The following ZNF148 variants were observed in gnomAD, a reference collection of about 807,000 sequenced individuals.
The protein encoded by ZNF148 is Beta-Enolase Repressor Factor-1.
A neutral mutation model predicts 67.7 loss-of-function variants in ZNF148; 7 were observed. That is an observed-to-expected ratio of 0.10 (90% CI 0.06 to 0.19). ZNF148 has a LOEUF of 0.19. Among genes scored for constraint, ZNF148 ranks in the 10% least tolerant of loss-of-function variants. ZNF148 has a pLI of 1.00. For synonymous variants in ZNF148, 333 were observed against 330.7 expected (o/e 1.01, Z -0.08); for missense variants, 583 against 947.1 (o/e 0.62, Z 5.05).
chr3:125,351,238 C>T (rs1942138109), intron 1 of ZNF148, among the ~76,000 whole-genome samples: 1 of 151,954 alleles, frequency 6.6e-6, no homozygotes, highest in African/African-American at 2.4e-5. Flanking sequence ...TAAAATTAGC[C>T]AGGCGTGGTG....
At chr3:125,320,159 T>C (rs1339004169) in intron 3 of ZNF148, among the ~76,000 whole-genome samples, 7 of 152,232 alleles carry the variant, frequency 4.6e-5, no homozygotes, top group Non-Finnish European at 8.8e-5. Flanking sequence ...ATGTATCTTC[T>C]TAAGCTACCT....
chr3:125,244,182 G>A (rs2107533360), intron 7 of ZNF148, among the ~76,000 whole-genome samples: 1 of 152,280 alleles, frequency 6.6e-6, no homozygotes, highest in Admixed American at 6.5e-5. Flanking sequence ...CAGTGAGACT[G>A]TTTCCCCAAT....
At chr3:125,312,194 C>G (rs975181163) in intron 4 of ZNF148, among the ~76,000 whole-genome samples, 13 of 152,150 alleles carry the variant, frequency 8.5e-5, no homozygotes, top group Admixed American at 2.0e-4. Context: ...AAAATATGAT[C>G]AAATCAAATC....
chr3:125,313,005 TTTACTC>T, intron 4 of ZNF148, among the ~76,000 whole-genome samples: 1 of 152,186 alleles, frequency 6.6e-6, no homozygotes, highest in Non-Finnish European at 1.5e-5. Flanking sequence ...ATTCAAATGT[TTTACTC>T]TTTAAGGAGA....
chr3:125,231,762 C>G lies in ZNF148; in HGVS notation c.*579G>C, dbSNP rs1208198296. The G allele has an allele frequency of 1.3e-5, 2 of 152,182 alleles. No individual in the cohort carries two copies. The highest frequency in any genetic ancestry group is 4.8e-5 in the African/African-American group (2 of 41,324). 9.4% of individuals were successfully genotyped at this position (152,182 alleles called of 1,614,324 possible). On this transcript the variant is annotated 3_prime_UTR_variant, in exon 9 of 9. Transcript: ENST00000360647. Reference sequence around the variant, plus strand: ...CAGATTTTTATTACTTTTTTTCCTTCAAAAAAACACGTCAATATAATGCAA... The same window carrying G: ...CAGATTTTTATTACTTTTTTTCCTTGAAAAAAACACGTCAATATAATGCAA...
intron 1 of ZNF148, among the ~76,000 whole-genome samples, chr3:125,364,789 T>C (rs1226725439): frequency 1.3e-5 from 2 of 152,234 alleles, no homozygotes; most frequent in African/African-American, 4.8e-5. Context: ...TGGAGCACTT[T>C]ACTGTATTTA....
intron 5 of ZNF148, among the ~76,000 whole-genome samples, chr3:125,284,012 A>T (rs1938529796): frequency 6.6e-6 from 1 of 152,144 alleles, no homozygotes; most frequent in South Asian, 2.1e-4. Context: ...CATAACAGGC[A>T]CTCAAATTAT....
intron 5 of ZNF148, among the ~76,000 whole-genome samples, chr3:125,286,227 A>C (rs1455781526): frequency 6.6e-6 from 1 of 152,192 alleles, no homozygotes; most frequent in Non-Finnish European, 1.5e-5. Flanking sequence ...ACTGAGAAAA[A>C]CATTAAAGCC....
At chr3:125,282,555 C>T (rs973924576) in intron 5 of ZNF148, among the ~76,000 whole-genome samples, 1 of 152,092 alleles carries the variant, frequency 6.6e-6, no homozygotes, top group African/African-American at 2.4e-5. Context: ...TAATTCTCAA[C>T]ACACTACATT....
chr3:125,327,794 G>T (rs563918401), intron 2 of ZNF148, among the ~76,000 whole-genome samples: 1 of 152,118 alleles, frequency 6.6e-6, no homozygotes, highest in African/African-American at 2.4e-5. Flanking sequence ...AGGGAAATTA[G>T]AAAATATTTT....
chr3:125,304,546 T>C (rs1332602175), intron 4 of ZNF148, among the ~76,000 whole-genome samples: 1 of 152,034 alleles, frequency 6.6e-6, no homozygotes, highest in Non-Finnish European at 1.5e-5. Flanking sequence ...CATTAGGGGT[T>C]AGGATAATAA....
chr3:125,318,493 T>C (rs1220378552), intron 3 of ZNF148, among the ~76,000 whole-genome samples: 1 of 135,896 alleles, frequency 7.4e-6, no homozygotes, highest in East Asian at 1.9e-4. Flanking sequence ...CATGGAAGAC[T>C]GATTTGGAAG....
intron 1 of ZNF148, chr3:125,356,947 G>A (rs1262375097): frequency 2.6e-5 from 4 of 152,230 alleles, no homozygotes; most frequent in Non-Finnish European, 4.4e-5. Flanking sequence ...CCAGTAAAAA[G>A]CTGTCTAGTA....
At chr3:125,276,399 CAGTT>C (rs1284505147) in intron 7 of ZNF148, among the ~76,000 whole-genome samples, 4 of 151,776 alleles carry the variant, frequency 2.6e-5, no homozygotes, top group Non-Finnish European at 4.4e-5. Context: ...ACATGTTGCA[CAGTT>C]AAAGTTTTAT....
At chr3:125,277,165 T>G (rs909231122) in intron 7 of ZNF148, among the ~76,000 whole-genome samples, 1 of 152,222 alleles carries the variant, frequency 6.6e-6, no homozygotes, top group Admixed American at 6.5e-5. Flanking sequence ...GTTTTACCGT[T>G]GGCAAAAATA....
At chr3:125,327,442 C>G (rs938941783) in intron 2 of ZNF148, among the ~76,000 whole-genome samples, 1 of 152,166 alleles carries the variant, frequency 6.6e-6, no homozygotes, top group Non-Finnish European at 1.5e-5. Flanking sequence ...AGAATACATA[C>G]AGTTTTAAAA....
intron 1 of ZNF148, among the ~76,000 whole-genome samples, chr3:125,358,488 T>G (rs1247351049): frequency 6.6e-6 from 1 of 152,198 alleles, no homozygotes; most frequent in Non-Finnish European, 1.5e-5. Context: ...TCCTCAAAGC[T>G]AACACTCTCC....
chr3:125,236,103 AAAAG>A (rs911851875), intron 7 of ZNF148, among the ~76,000 whole-genome samples: 4 of 151,710 alleles, frequency 2.6e-5, no homozygotes, highest in Non-Finnish European at 4.4e-5. Context: ...GTATTAAAAA[AAAAG>A]AAATAATTAT....
At chr3:125,351,393 A>AAAG (rs1942148095) in intron 1 of ZNF148, among the ~76,000 whole-genome samples, 1 of 150,274 alleles carries the variant, frequency 6.7e-6, no homozygotes, top group African/African-American at 2.4e-5. Context: ...AAAAAAAAAA[A>AAAG]AAAAAAAAAA....
Sources: gnomAD v4.1 joint callset for allele counts (sites outside exome capture counted in the v4.1 genomes callset) on GRCh38, gnomAD v4.1.1 for gene constraint, MANE v1.5 for transcripts, NCBI Gene and HGNC (gene_info 2026-07-23, HGNC 2026-07-21) for gene names.